SPAG16: variants seen among roughly 807,000 people sequenced by gnomAD.
SPAG16 encodes sperm-associated antigen 16 protein.
In SPAG16, 86 loss-of-function variants were observed where a neutral mutation model predicts 80.4. That is an observed-to-expected ratio of 1.07 (90% confidence interval 0.90 to 1.28). The LOEUF (loss-of-function observed/expected upper bound fraction) is 1.28, where lower values mean the gene tolerates loss of function less well. SPAG16 is among the 50% of genes most tolerant of loss of function. The probability of loss-of-function intolerance (pLI) is 0.00; values close to 1 mark genes in which losing one functional copy is unlikely to be tolerated. For missense variants in SPAG16, 870 were observed against 765.3 expected, an observed-to-expected ratio of 1.14 and a Z score of -1.61; for synonymous variants, 294 against 265.9, an observed-to-expected ratio of 1.11 and a Z score of -1.03.
intron 13 of SPAG16, among the ~76,000 whole-genome samples, chr2:214,094,683 A>G (rs2052460696): frequency 6.6e-6 from 1 of 152,056 alleles, no homozygotes; most frequent in African/African-American, 2.4e-5. Context: ...TGAATTTTGG[A>G]ATTATTATGG....
At chr2:213,656,815 T>C (rs114481720) in intron 10 of SPAG16, among the ~76,000 whole-genome samples, 1,971 of 152,312 alleles carry the variant, frequency 0.013, 18 homozygotes, top group South Asian at 0.036. Flanking sequence ...ATTTCAGGGA[T>C]TTGTACTTTA....
chr2:213,758,599 A>G (rs2068473673), intron 10 of SPAG16, among the ~76,000 whole-genome samples: 1 of 152,176 alleles, frequency 6.6e-6, no homozygotes, highest in Non-Finnish European at 1.5e-5. Context: ...GAGCAAGCAA[A>G]GGAAACAGTC....
At chr2:213,803,432 G>A (rs1337968677) in intron 10 of SPAG16, among the ~76,000 whole-genome samples, 1 of 152,102 alleles carries the variant, frequency 6.6e-6, no homozygotes, top group Non-Finnish European at 1.5e-5. Context: ...GTGAGAGACA[G>A]ATTTTACCTT....
At chr2:214,137,508 A>T (rs1360471201) in intron 14 of SPAG16, among the ~76,000 whole-genome samples, 1 of 152,148 alleles carries the variant, frequency 6.6e-6, no homozygotes. Flanking sequence ...TGTGAGGAAC[A>T]TCTATGTGAC....
At chr2:214,169,126 C>T in intron 15 of SPAG16, among the ~76,000 whole-genome samples, 1 of 152,016 alleles carries the variant, frequency 6.6e-6, no homozygotes, top group East Asian at 1.9e-4. Flanking sequence ...AAGAAAAGAA[C>T]TTGTTATATC....
intron 12 of SPAG16, among the ~76,000 whole-genome samples, chr2:213,975,758 G>T (rs2045338890): frequency 6.6e-6 from 1 of 151,956 alleles, no homozygotes; most frequent in South Asian, 2.1e-4. Flanking sequence ...TACATGGAAA[G>T]AGAAAAATTG....
rs565683153 is a variant in SPAG16, at chr2:214,110,820, C to T, written c.1593+2559C>T. Among the ~76,000 whole-genome samples, 12 of 152,278 alleles carry T rather than the reference C, an allele frequency of 7.9e-5. No homozygotes were observed. In the South Asian group the frequency reaches 2.3e-3, roughly 29 times the overall value. ...TCTGTTGTTTCCTGTTTAATGATTG[C>T]CATTCTAACTGGTGTGAGATGGTAT... On this transcript the variant is annotated intron_variant, in intron 14 of 15. Coordinates refer to ENST00000331683, the MANE Select transcript of SPAG16 (RefSeq NM_024532.5).
intron 10 of SPAG16, among the ~76,000 whole-genome samples, chr2:213,627,065 T>C (rs1251383068): frequency 1.3e-5 from 2 of 152,186 alleles, no homozygotes; most frequent in East Asian, 3.8e-4. Context: ...GAGACTATTT[T>C]ACTCAGCAAA....
chr2:214,265,380 C>T (rs1691487793), intron 15 of SPAG16, among the ~76,000 whole-genome samples: 1 of 151,984 alleles, frequency 6.6e-6, no homozygotes, highest in Non-Finnish European at 1.5e-5. Flanking sequence ...TTTTCATATG[C>T]TTATTTGCCA....
At chr2:213,291,585 C>T (rs553488979) in intron 1 of SPAG16, among the ~76,000 whole-genome samples, 1 of 152,188 alleles carries the variant, frequency 6.6e-6, no homozygotes, top group African/African-American at 2.4e-5. Flanking sequence ...CTCTGGGGGT[C>T]TTCAAATTGA....
chr2:213,350,763 A>G, intron 7 of SPAG16, 118 bp downstream of exon 7: 1 of 595,254 alleles, frequency 1.7e-6, no homozygotes, highest in Non-Finnish European at 2.9e-6. Context: ...ACCAACTTTC[A>G]TGTAAAAGAG....
At chr2:214,130,374 G>C (rs1576302126) in intron 14 of SPAG16, among the ~76,000 whole-genome samples, 1 of 152,120 alleles carries the variant, frequency 6.6e-6, no homozygotes, top group East Asian at 1.9e-4. Context: ...GTGGCCACCT[G>C]GTTCTGTATT....
chr2:214,286,738 CTG>C (rs1394398040), intron 15 of SPAG16, among the ~76,000 whole-genome samples: 2 of 152,110 alleles, frequency 1.3e-5, no homozygotes, highest in African/African-American at 2.4e-5. Context: ...CAGAGTGAGA[CTG>C]TGTCTCAAAA....
At chr2:214,213,603 G>A (rs1189231386) in intron 15 of SPAG16, among the ~76,000 whole-genome samples, 1 of 152,164 alleles carries the variant, frequency 6.6e-6, no homozygotes, top group Non-Finnish European at 1.5e-5. Flanking sequence ...ATGTTTAGCA[G>A]CATTCCTGGC....
chr2:213,878,687 G>C (rs62192604), intron 11 of SPAG16, among the ~76,000 whole-genome samples: 47,282 of 151,990 alleles, frequency 0.31, 8,506 homozygotes, highest in South Asian at 0.47. Context: ...TTTGGTTTTT[G>C]TTGCTTGTGC....
chr2:213,771,497 T>G (rs1290763091), intron 10 of SPAG16, among the ~76,000 whole-genome samples: 1 of 152,198 alleles, frequency 6.6e-6, no homozygotes, highest in African/African-American at 2.4e-5. Flanking sequence ...TTGCAATTGC[T>G]TCTGGTGTTT....
chr2:213,691,015 C>A (rs148206136), intron 10 of SPAG16, among the ~76,000 whole-genome samples: 1 of 152,186 alleles, frequency 6.6e-6, no homozygotes, highest in African/African-American at 2.4e-5. Flanking sequence ...CTCTGCAGAA[C>A]CCTGACTAAT....
intron 10 of SPAG16, among the ~76,000 whole-genome samples, chr2:213,782,542 G>T (rs2556336): frequency 6.6e-6 from 1 of 152,108 alleles, no homozygotes; most frequent in Admixed American, 6.5e-5. Flanking sequence ...TTACATAGCT[G>T]TTATTCAATA....
intron 9 of SPAG16, among the ~76,000 whole-genome samples, chr2:213,450,476 T>C (rs774662329): frequency 3.3e-5 from 5 of 152,198 alleles, no homozygotes; most frequent in Non-Finnish European, 7.3e-5. Context: ...CTTAGCTCTT[T>C]AGGTGTGCAC....
Sources: gnomAD v4.1 joint callset for allele counts (sites outside exome capture counted in the v4.1 genomes callset) on GRCh38, gnomAD v4.1.1 for gene constraint, MANE v1.5 for transcripts, NCBI Gene and HGNC (gene_info 2026-07-23, HGNC 2026-07-21) for gene names.